Variants in PDCD10 observed in about 807,000 individuals in gnomAD.
PDCD10 encodes the protein programmed cell death protein 10.
A neutral mutation model predicts 29.2 loss-of-function variants in PDCD10; 4 were observed. The ratio of observed to expected loss-of-function variants is 0.14; its 90% CI spans 0.07 to 0.31. The LOEUF (loss-of-function observed/expected upper bound fraction) is 0.31. Among genes scored for constraint, PDCD10 ranks in the 10% least tolerant of loss-of-function variants. PDCD10 has a pLI of 1.00. For synonymous variants in PDCD10, 70 were observed against 82.2 expected (o/e 0.85, Z 0.80); for missense variants, 183 against 257.9 (o/e 0.71, Z 1.99).
chr3:167,727,750 T>C lies in PDCD10; in HGVS notation c.-117+6464A>G, dbSNP rs557077349. On this transcript the variant is annotated intron_variant, in intron 2 of 8. Coordinates refer to ENST00000392750, the MANE Select transcript of PDCD10 (RefSeq NM_007217.4). ...AGAGCTACTTGCTTTGTATCACTTA[T>C]AATCTTAGATACCTAGAATTTAACT... is the stretch of plus-strand genomic sequence containing the variant. 3.9e-5 allele frequency among the ~76,000 whole-genome samples: 6 copies of C among 152,312 alleles called. No individual in the cohort carries two copies. The South Asian group carries it at 8.3e-4, about 21-fold the overall frequency.
rs1450744241 is a variant in PDCD10 at position 167,683,985 on chromosome 3, A to G, written c.*323T>C. The G allele has an allele frequency of 1.1e-5, 3 of 262,414 alleles. No individual in the cohort carries two copies. The highest frequency in any genetic ancestry group is 6.6e-5 in the African/African-American group (3 of 45,160). 16.3% of individuals were successfully genotyped at this position (262,414 alleles called of 1,614,324 possible). ...ATTATCTTGCAGCATATCGCTTTCA[A>G]GTTAAAATGTCAGAAACAAACACCA... On this transcript the variant is annotated 3_prime_UTR_variant, in exon 9 of 9. Transcript: ENST00000392750.
chr3:167,730,362 G>A (rs1251531884), intron 2 of PDCD10, among the ~76,000 whole-genome samples: 2 of 151,970 alleles, frequency 1.3e-5, no homozygotes, highest in Non-Finnish European at 2.9e-5. Flanking sequence ...CATGTAAGTG[G>A]CTTAAAATTC....
chr3:167,695,544 T>C (rs1416685015), intron 6 of PDCD10, 52 bp downstream of exon 6: 4 of 1,552,110 alleles, frequency 2.6e-6, no homozygotes, highest in Non-Finnish European at 2.7e-6. Flanking sequence ...AGATGAGTAG[T>C]TCCTCGGAAG....
intron 6 of PDCD10, among the ~76,000 whole-genome samples, chr3:167,688,572 CATT>C (rs1719893697): frequency 6.6e-6 from 1 of 152,152 alleles, no homozygotes; most frequent in South Asian, 2.1e-4. Flanking sequence ...TTGATTTCCA[CATT>C]TTAACCTCAT....
At chr3:167,710,727 T>A (rs1339376866) in intron 3 of PDCD10, among the ~76,000 whole-genome samples, 2 of 152,278 alleles carry the variant, frequency 1.3e-5, no homozygotes, top group East Asian at 3.9e-4. Context: ...CCAGGTAGTG[T>A]TTACAGCAGG....
intron 2 of PDCD10, chr3:167,730,932 G>A (rs957627089): frequency 5.3e-5 from 8 of 151,980 alleles, no homozygotes; most frequent in African/African-American, 1.9e-4. Context: ...TCTAAATCAA[G>A]TGATATTAAA....
At chr3:167,730,896 C>T (rs1724735632) in intron 2 of PDCD10, 1 of 152,022 alleles carries the variant, frequency 6.6e-6, no homozygotes, top group South Asian at 2.1e-4. Flanking sequence ...GAAACAAAAA[C>T]TACTCAATTT....
At position 167,711,575 on chromosome 3, in the gene PDCD10, A is replaced by G. The variant is rs190479689; in HGVS notation, c.97-6680T>C. On this transcript the variant is annotated intron_variant, in intron 3 of 8. Coordinates refer to ENST00000392750, the MANE Select transcript of PDCD10 (RefSeq NM_007217.4). ...GTTACTGGCATTAAAGAGGAGGTAG[A>G]AAAAGAGATAAGGGTAGAAAGTGTA... Among the ~76,000 whole-genome samples the G allele has an allele frequency of 1.8e-4, 28 of 152,328 alleles. 1 individual carries two copies. The highest frequency in any genetic ancestry group is 1.6e-3 in the Admixed American group (24 of 15,298).
intron 7 of PDCD10, 34 bp downstream of exon 7, chr3:167,687,581 G>C (rs748685407): frequency 1.9e-5 from 22 of 1,180,206 alleles, no homozygotes; most frequent in Non-Finnish European, 2.8e-5. Flanking sequence ...CCAACATCTA[G>C]GGTGTCAACT....
Position 167,687,199 on chromosome 3 carries a change from A to C in PDCD10, c.557+35T>G, listed in dbSNP as rs745541652. 3.8e-6 allele frequency: 4 copies of C among 1,062,172 alleles called. No homozygotes were observed. In the African/African-American group the frequency reaches 6.3e-5, roughly 17 times the overall value. The allele number at this position is 1,062,172 out of a possible 1,614,324, so 65.8% of individuals were successfully genotyped here. ...TCATATAAAACCACATAATCTATTT[A>C]ATTTTAAAAGTAAAGGATAAATTAC... On this transcript the variant is annotated intron_variant, in intron 8 of 8. Coordinates refer to ENST00000392750, the MANE Select transcript of PDCD10 (RefSeq NM_007217.4).
At chr3:167,725,305 T>C (rs932527810) in intron 2 of PDCD10, 3 of 149,672 alleles carry the variant, frequency 2.0e-5, no homozygotes, top group Non-Finnish European at 4.4e-5. Flanking sequence ...ATCAAACTCT[T>C]AGAGAAAATG....
chr3:167,725,895 C>T (rs1255031005), intron 2 of PDCD10, among the ~76,000 whole-genome samples: 1 of 148,396 alleles, frequency 6.7e-6, no homozygotes, highest in Admixed American at 6.8e-5. Context: ...AGCATGGGCT[C>T]AAATTCTGGT....
chr3:167,694,341 C>T (rs545396529), intron 6 of PDCD10: 66 of 202,570 alleles, frequency 3.3e-4, no homozygotes, highest in African/African-American at 1.3e-3. Flanking sequence ...ACATGGTATG[C>T]GATATTAATC....
chr3:167,727,603 T>C (rs1296601551), intron 2 of PDCD10, among the ~76,000 whole-genome samples: 1 of 152,226 alleles, frequency 6.6e-6, no homozygotes, highest in Non-Finnish European at 1.5e-5. Context: ...GTTTCTCCAA[T>C]ACGATGTTAA....
At chr3:167,689,482 T>C (rs184073018) in intron 6 of PDCD10, among the ~76,000 whole-genome samples, 2 of 152,284 alleles carry the variant, frequency 1.3e-5, no homozygotes, top group Non-Finnish European at 1.5e-5. Flanking sequence ...CCGGGGCTAG[T>C]CATCAAAATG....
Position 167,695,667 on chromosome 3 carries a change from T to C in PDCD10, c.324A>G (p.Arg108=). 6.2e-7 allele frequency: 1 copy of C among 1,613,048 alleles called. No individual in the cohort carries two copies. The highest frequency in any genetic ancestry group is 8.5e-7 in the Non-Finnish European group (1 of 1,179,006). ...TCTTACTGAGAATTTGTTTAAGTGC[T>C]CGTGCCTTTTCGTTTAGGTCTTGGA... ...PEFQDLNEKA[R]ALKQILSKIP... Residue 108 remains arginine (R), a synonymous_variant, in exon 6 of 9, where the codon CGA becomes CGG. Transcript: ENST00000392750.
chr3:167,695,744 A>G (rs772485620), intron 5 of PDCD10, 22 bp from the exon 6 acceptor site: 3 of 1,611,194 alleles, frequency 1.9e-6, no homozygotes, highest in Non-Finnish European at 2.5e-6. Flanking sequence ...AATACATAAT[A>G]AAAAACATCC....
intron 2 of PDCD10, 43 bp from the exon 3 acceptor site, chr3:167,720,316 G>C: frequency 1.7e-6 from 1 of 601,984 alleles, no homozygotes; most frequent in Non-Finnish European, 3.0e-6. Flanking sequence ...CTATATTAAG[G>C]AGAAACGACA....
chr3:167,684,610 T>C (rs1719386153), intron 8 of PDCD10, among the ~76,000 whole-genome samples: 1 of 152,106 alleles, frequency 6.6e-6, no homozygotes, highest in Non-Finnish European at 1.5e-5. Flanking sequence ...TAATAAAATG[T>C]TGGAGGACTG....
Sources: gnomAD v4.1 joint callset for allele counts (sites outside exome capture counted in the v4.1 genomes callset) on GRCh38, gnomAD v4.1.1 for gene constraint, MANE v1.5 for transcripts, NCBI Gene and HGNC (gene_info 2026-07-23, HGNC 2026-07-21) for gene names.